SCMH1: variants seen among roughly 807,000 people sequenced by gnomAD.
SCMH1 encodes the protein polycomb protein SCMH1.
Under a neutral mutation model 70.8 loss-of-function variants are expected in SCMH1, and 37 were observed. That is an observed-to-expected ratio of 0.52 (90% CI 0.40 to 0.69). SCMH1 has a LOEUF of 0.69. Ranked by LOEUF, SCMH1 falls within the 30% of genes least tolerant of loss-of-function variation. SCMH1 has a pLI of 0.00. For missense variants in SCMH1, 607 were observed against 827.3 expected, an observed-to-expected ratio of 0.73 and a Z score of 3.27; for synonymous variants, 292 against 307.4, an observed-to-expected ratio of 0.95 and a Z score of 0.52.
At chr1:41,198,673 T>C (rs572681501) in intron 1 of SCMH1, among the ~76,000 whole-genome samples, 5 of 152,328 alleles carry the variant, frequency 3.3e-5, no homozygotes, top group African/African-American at 1.2e-4. Context: ...CTACAGGGTG[T>C]GACAGTGACC....
At chr1:41,202,445 A>C (rs1484740534) in intron 1 of SCMH1, among the ~76,000 whole-genome samples, 1 of 152,036 alleles carries the variant, frequency 6.6e-6, no homozygotes, top group African/African-American at 2.4e-5. Context: ...AATCTACTTT[A>C]ATTCTTTCTC....
At chr1:41,211,288 A>G (rs1656964334) in intron 1 of SCMH1, among the ~76,000 whole-genome samples, 1 of 152,268 alleles carries the variant, frequency 6.6e-6, no homozygotes, top group South Asian at 2.1e-4. Context: ...GCTAATATAC[A>G]GAATCTATGA....
chr1:41,040,381 T>G (rs1231404645), intron 12 of SCMH1, among the ~76,000 whole-genome samples: 1 of 152,006 alleles, frequency 6.6e-6, no homozygotes, highest in Admixed American at 6.6e-5. Flanking sequence ...AGAGTGGTGG[T>G]GAGGAACCTC....
chr1:41,074,072 C>CTTT (rs532510799), intron 9 of SCMH1, among the ~76,000 whole-genome samples: 2 of 128,458 alleles, frequency 1.6e-5, no homozygotes, highest in African/African-American at 2.9e-5. Flanking sequence ...TGACAGAAGT[C>CTTT]TTTTTTTTTT....
At chr1:41,082,815 TC>T (rs1289866038) in intron 8 of SCMH1, among the ~76,000 whole-genome samples, 4 of 152,170 alleles carry the variant, frequency 2.6e-5, no homozygotes, top group African/African-American at 9.7e-5. Context: ...CAAGGCTGGT[TC>T]AATATACACA....
intron 8 of SCMH1, among the ~76,000 whole-genome samples, chr1:41,112,585 AAT>A (rs1669517611): frequency 6.6e-6 from 1 of 151,980 alleles, no homozygotes; most frequent in Non-Finnish European, 1.5e-5. Context: ...CATATAGTAT[AAT>A]ATGATATAGT....
chr1:41,127,362 T>C (rs1673463095), intron 6 of SCMH1, among the ~76,000 whole-genome samples: 3 of 152,174 alleles, frequency 2.0e-5, no homozygotes, highest in Admixed American at 2.0e-4. Flanking sequence ...AAAGTCAAAT[T>C]TGTCGGTCTA....
At chr1:41,071,344 GT>G (rs1558627495) in intron 9 of SCMH1, among the ~76,000 whole-genome samples, 1 of 151,844 alleles carries the variant, frequency 6.6e-6, no homozygotes, top group South Asian at 2.1e-4. Flanking sequence ...AGCTTTTCTA[GT>G]TTTTCTCTAA....
intron 13 of SCMH1, 88 bp downstream of exon 13, chr1:41,037,274 T>G: frequency 7.3e-7 from 1 of 1,363,996 alleles, no homozygotes. Context: ...GCAACAGAGC[T>G]AGGTCCTCTC....
Position 41,186,234 on chromosome 1 carries a change from T to C in SCMH1, c.-101A>G. On this transcript the variant is annotated 5_prime_UTR_variant, in exon 2 of 15. In the 5' UTR this introduces an upstream ATG that the reference lacks. Coordinates refer to ENST00000337495, the Ensembl canonical transcript of SCMH1. ...GACTTCTGACAAGTCAGTTTCTTTG[T>C]ATGCTAATTTCTCCATCTGTAAAAA... The C allele has an allele frequency of 1.4e-6, 1 of 706,796 alleles. No individual in the cohort carries two copies. The highest frequency in any genetic ancestry group is 2.6e-6 in the Non-Finnish European group (1 of 386,706). 43.8% of individuals were successfully genotyped at this position (706,796 alleles called of 1,614,324 possible).
Position 41,181,368 on chromosome 1 carries a change from A to G in SCMH1, c.13+4753T>C, listed in dbSNP as rs79955292. ...CAAATGGGATCTAATTAAACTAAAG[A>G]GCTTCTGCACAGCAAAAGAAACTAC... On this transcript the variant is annotated intron_variant, in intron 2 of 14. Coordinates refer to ENST00000337495, the Ensembl canonical transcript of SCMH1. 9.7e-3 allele frequency among the ~76,000 whole-genome samples: 1,472 copies of G among 152,324 alleles called. 11 individuals carry two copies. The highest frequency in any genetic ancestry group is 0.014 in the Non-Finnish European group (979 of 68,016).
chr1:41,103,771 G>A (rs374419328), intron 8 of SCMH1, among the ~76,000 whole-genome samples: 16 of 152,286 alleles, frequency 1.1e-4, no homozygotes, highest in East Asian at 5.8e-4. Context: ...GAGAGAGAGC[G>A]AATGGGCAGA....
intron 2 of SCMH1, among the ~76,000 whole-genome samples, chr1:41,178,492 C>A: frequency 6.6e-6 from 1 of 152,110 alleles, no homozygotes; most frequent in Non-Finnish European, 1.5e-5. Flanking sequence ...GGAGACCCAT[C>A]TCACATGCAG....
intron 8 of SCMH1, among the ~76,000 whole-genome samples, chr1:41,100,642 T>C (rs1338521071): frequency 1.3e-5 from 2 of 151,132 alleles, no homozygotes; most frequent in African/African-American, 4.9e-5. Context: ...CTCGGCTCAC[T>C]GCAACCTCTG....
intron 1 of SCMH1, among the ~76,000 whole-genome samples, chr1:41,234,720 C>T (rs1486489910): frequency 6.6e-6 from 1 of 151,836 alleles, no homozygotes; most frequent in Non-Finnish European, 1.5e-5. Context: ...ATGATCAGCC[C>T]ACCTCGGCCT....
At chr1:41,032,940 C>G (rs577607360) in intron 13 of SCMH1, among the ~76,000 whole-genome samples, 1 of 148,926 alleles carries the variant, frequency 6.7e-6, no homozygotes, top group African/African-American at 2.5e-5. Context: ...GATTGCGCCA[C>G]TGCATTCCAG....
intron 1 of SCMH1, among the ~76,000 whole-genome samples, chr1:41,238,648 C>T (rs1329554295): frequency 6.6e-6 from 1 of 152,172 alleles, no homozygotes; most frequent in Non-Finnish European, 1.5e-5. Context: ...TCATTCAATA[C>T]ACTAGCCTCC....
Position 41,075,455 on chromosome 1 carries a change from C to G in SCMH1, c.746-4G>C. ...TAGGGATTCTTTGGAATCACAACTG[C>G]AAGAAAAAGACTCATTCTATCACCC... On this transcript the variant is annotated splice_polypyrimidine_tract_variant and splice_region_variant and intron_variant, in intron 8 of 14. Coordinates refer to ENST00000337495, the Ensembl canonical transcript of SCMH1. The G allele has an allele frequency of 1.9e-6, 3 of 1,611,502 alleles. No homozygotes were observed. In the South Asian group the frequency reaches 3.3e-5, roughly 18 times the overall value.
chr1:41,055,871 G>A (rs892277885), intron 10 of SCMH1, among the ~76,000 whole-genome samples: 4 of 152,184 alleles, frequency 2.6e-5, no homozygotes, highest in African/African-American at 9.7e-5. Flanking sequence ...TTTAGATGAT[G>A]AGATCCTAGA....
Sources: allele counts gnomAD v4.1 joint callset (sites outside exome capture counted in the v4.1 genomes callset), GRCh38; gene constraint gnomAD v4.1.1; transcripts MANE v1.5; gene names NCBI Gene and HGNC (gene_info 2026-07-23, HGNC 2026-07-21).